The following SGO2 variants were observed in gnomAD, a reference collection of about 807,000 sequenced individuals.
SGO2 encodes the protein shugoshin-like 2.
SGO2 carries 68 observed loss-of-function variants against 99.5 expected under a neutral mutation model. The ratio of observed to expected loss-of-function variants is 0.68; its 90% CI spans 0.56 to 0.84. The LOEUF (loss-of-function observed/expected upper bound fraction) is 0.84, where lower values mean the gene tolerates loss of function less well. SGO2 is among the 40% of genes least tolerant of loss of function. The pLI is 0.00. For missense variants in SGO2, 1,350 were observed against 1,436.7 expected (o/e 0.94, Z 0.97); for synonymous variants, 457 against 487.1 (o/e 0.94, Z 0.81).
chr2:200,565,646 C>T lies in SGO2; in HGVS notation c.474-4017C>T, dbSNP rs180683164. 2.9e-3 allele frequency among the ~76,000 whole-genome samples: 449 copies of T among 152,270 alleles called. 1 individual carries two copies. Among genetic ancestry groups the T allele is most frequent in the Non-Finnish European group, 5.1e-3 (350 of 68,018 alleles). On this transcript the variant is annotated intron_variant, in intron 5 of 8. Coordinates refer to ENST00000357799, the MANE Select transcript of SGO2 (RefSeq NM_152524.6). The stretch of plus-strand genomic sequence containing the variant: ...TGGGGAAGTTTTCCTGGATAATATC[C>T]GGAAGAGTGTTTTCCAACTTGGTTC...
chr2:200,543,320 A>C (rs2032054389), intron 5 of SGO2: 1 of 152,232 alleles, frequency 6.6e-6, no homozygotes, highest in African/African-American at 2.4e-5. Flanking sequence ...ACAAACAAAC[A>C]AAATTAACTT....
intron 2 of SGO2, among the ~76,000 whole-genome samples, chr2:200,534,057 C>T (rs2031569934): frequency 6.6e-6 from 1 of 152,312 alleles, no homozygotes; most frequent in Middle Eastern, 3.4e-3. Context: ...ACTACTCTCT[C>T]TGTGCCAAAG....
At position 200,536,148 on chromosome 2, in the gene SGO2, T is replaced by C. The variant is rs768813545; in HGVS notation, c.387+6T>C. 1 of 1,548,808 alleles carries C rather than the reference T, an allele frequency of 6.5e-7. No homozygotes were observed. Among genetic ancestry groups the C allele is most frequent in the South Asian group, 1.1e-5 (1 of 86,960 alleles). On this transcript the variant is annotated splice_donor_region_variant and intron_variant, in intron 4 of 8. Transcript: ENST00000357799. ...AAATGAGCAGTCTTTCTGAGGTAAGTAGAATTTATATGTAAATAGTGTTGT... is the reference window on the plus strand; with the variant it reads ...AAATGAGCAGTCTTTCTGAGGTAAGCAGAATTTATATGTAAATAGTGTTGT...
intron 5 of SGO2, among the ~76,000 whole-genome samples, chr2:200,553,349 CACTA>C (rs1313401655): frequency 6.6e-6 from 1 of 152,162 alleles, no homozygotes; most frequent in Non-Finnish European, 1.5e-5. Flanking sequence ...AATAGGGAGT[CACTA>C]ACTGATTCCA....
intron 1 of SGO2, among the ~76,000 whole-genome samples, chr2:200,531,552 CA>C: frequency 6.6e-6 from 1 of 152,120 alleles, no homozygotes; most frequent in South Asian, 2.1e-4. Context: ...AGGGAACATT[CA>C]GAGAAGAGAT....
rs371613694 is a variant in SGO2 at position 200,531,430 on chromosome 2, A to G, written c.-2-1544A>G. 1.5e-3 allele frequency among the ~76,000 whole-genome samples: 232 copies of G among 152,272 alleles called. 1 individual carries two copies. The highest frequency in any genetic ancestry group is 5.2e-3 in the African/African-American group (218 of 41,556). ...AGGAGGGAAGATGAATGGTCTGCAG[A>G]CATGAATGTGTTGTAGCCTCTAGAA... On this transcript the variant is annotated intron_variant, in intron 1 of 8. Transcript: ENST00000357799.
At chr2:200,563,331 T>G (rs1416368674) in intron 5 of SGO2, among the ~76,000 whole-genome samples, 1 of 152,216 alleles carries the variant, frequency 6.6e-6, no homozygotes, top group Non-Finnish European at 1.5e-5. Context: ...GGTTTTTGTC[T>G]TTGGTTCTGT....
At position 200,573,730 on chromosome 2, in the gene SGO2, G is replaced by GC; in HGVS notation, c.3386dup (p.Asp1130ArgfsTer8). 6.2e-7 allele frequency: 1 copy of GC among 1,612,300 alleles called. No individual in the cohort carries two copies. Among genetic ancestry groups the GC allele is most frequent in the Non-Finnish European group, 8.5e-7 (1 of 1,179,250 alleles). On this transcript the variant is annotated frameshift_variant, in exon 7 of 9. Coordinates refer to ENST00000357799, the MANE Select transcript of SGO2 (RefSeq NM_152524.6). LOFTEE classifies it high-confidence loss of function. ...AGAATGAGAAAATGGTCAAAAATAAGCCAGACTTTTACACAAAGGCATTTA... is the reference window on the plus strand; with the variant it reads ...AGAATGAGAAAATGGTCAAAAATAAGCCCAGACTTTTACACAAAGGCATTTA...
chr2:200,568,770 C>G (rs2033287411), intron 5 of SGO2, among the ~76,000 whole-genome samples: 1 of 152,166 alleles, frequency 6.6e-6, no homozygotes, highest in East Asian at 1.9e-4. Flanking sequence ...TTCGCTAGCT[C>G]TCTACTTGCT....
intron 5 of SGO2, among the ~76,000 whole-genome samples, chr2:200,549,580 G>C (rs1234122166): frequency 1.3e-5 from 2 of 152,142 alleles, no homozygotes; most frequent in African/African-American, 4.8e-5. Flanking sequence ...TCATGCTAGG[G>C]TTTTAAGGAT....
intron 5 of SGO2, among the ~76,000 whole-genome samples, chr2:200,561,603 T>G (rs1464769928): frequency 6.6e-6 from 1 of 152,230 alleles, no homozygotes; most frequent in African/African-American, 2.4e-5. Context: ...CAAATGGTAT[T>G]TCTAGTTCTA....
chr2:200,546,536 AT>A (rs1251390220), intron 5 of SGO2, among the ~76,000 whole-genome samples: 3 of 152,086 alleles, frequency 2.0e-5, no homozygotes, highest in African/African-American at 7.2e-5. Context: ...AAAAGCAGAA[AT>A]TTAGTGACTG....
intron 1 of SGO2, chr2:200,532,236 T>G: frequency 3.8e-6 from 1 of 265,064 alleles, no homozygotes; most frequent in Non-Finnish European, 5.8e-6. Context: ...AGGCTGAGTA[T>G]TGAGGGTTAG....
intron 5 of SGO2, among the ~76,000 whole-genome samples, chr2:200,563,353 A>G (rs1049148301): frequency 6.6e-6 from 1 of 152,094 alleles, no homozygotes; most frequent in African/African-American, 2.4e-5. Flanking sequence ...TATATGCTGG[A>G]TTACGTTTAT....
In SGO2 at chr2:200,571,664, G is replaced by A. The variant is rs1017879137; in HGVS notation, c.1318G>A (p.Asp440Asn). 5 of 1,613,590 alleles carry A rather than the reference G, an allele frequency of 3.1e-6. No homozygotes were observed. The highest frequency in any genetic ancestry group is 4.2e-6 in the Non-Finnish European group (5 of 1,179,734). The change falls in exon 7 of 9, where the codon GAT (aspartate) becomes AAT (asparagine). Residue 440 changes from aspartate to asparagine, a missense_variant. Asp to Asn is a conservative substitution (Grantham distance 23, BLOSUM62 1). Transcript: ENST00000357799. ...CAGGACAGAAAGATCTGATGTCCTG[G>A]ATGGCAAAAGGGGTGCAGAAGATCC... is the stretch of plus-strand genomic sequence containing the variant. ...ENRTERSDVL[D>N]GKRGAEDPGF...
intron 8 of SGO2, among the ~76,000 whole-genome samples, chr2:200,583,196 A>G (rs2033895570): frequency 6.6e-6 from 1 of 152,228 alleles, no homozygotes; most frequent in African/African-American, 2.4e-5. Flanking sequence ...GGAACTATGT[A>G]ATAAACATGT....
In SGO2 at chr2:200,572,968, T is replaced by G. The variant is rs189556864; in HGVS notation, c.2622T>G (p.Asn874Lys). 6 of 1,593,986 alleles carry G rather than the reference T, an allele frequency of 3.8e-6. No individual in the cohort carries two copies. The highest frequency in any genetic ancestry group is 5.1e-6 in the Non-Finnish European group (6 of 1,173,414). ...TVDLLIKDNG[N>K]LCDYDTQNIL... ...ATCTTCTCATCAAAGATAATGGAAA[T>G]TTATGTGATTATGACACCCAGAATA... is the stretch of plus-strand genomic sequence containing the variant. The change falls in exon 7 of 9, where the codon AAT (asparagine) becomes AAG (lysine). Residue 874 changes from asparagine to lysine, a missense_variant. Asn to Lys is a moderately conservative substitution (Grantham distance 94). Coordinates refer to ENST00000357799, the MANE Select transcript of SGO2 (RefSeq NM_152524.6).
At position 200,573,740 on chromosome 2, in the gene SGO2, T is replaced by C; in HGVS notation, c.3394T>C (p.Tyr1132His). 1.2e-6 allele frequency: 2 copies of C among 1,612,080 alleles called. No homozygotes were observed. Among genetic ancestry groups the C allele is most frequent in the Non-Finnish European group, 1.7e-6 (2 of 1,179,226 alleles). Residue 1132 changes from tyrosine to histidine, a missense_variant, in exon 7 of 9, where the codon TAC (tyrosine) becomes CAC (histidine). By Grantham distance (83) the Tyr-to-His change is moderately conservative (BLOSUM62 2). Coordinates refer to ENST00000357799, the MANE Select transcript of SGO2 (RefSeq NM_152524.6). ...EKMVKNKPDF[Y>H]TKAFRSLSEI... ...AATGGTCAAAAATAAGCCAGACTTTTACACAAAGGCATTTAGATCTTTGTC... is the reference window on the plus strand; with the variant it reads ...AATGGTCAAAAATAAGCCAGACTTTCACACAAAGGCATTTAGATCTTTGTC...
intron 5 of SGO2, among the ~76,000 whole-genome samples, chr2:200,552,591 C>A (rs2032538621): frequency 6.6e-6 from 1 of 152,104 alleles, no homozygotes; most frequent in Non-Finnish European, 1.5e-5. Flanking sequence ...CCCTTTTAGA[C>A]CATATAAGGT....
Sources: gnomAD v4.1 joint callset for allele counts (sites outside exome capture counted in the v4.1 genomes callset) on GRCh38, gnomAD v4.1.1 for gene constraint, MANE v1.5 for transcripts, NCBI Gene and HGNC (gene_info 2026-07-23, HGNC 2026-07-21) for gene names.